The following ATF1 variants were observed in gnomAD, a reference collection of about 807,000 sequenced individuals.
ATF1 encodes cyclic AMP-dependent transcription factor ATF-1.
Under a neutral mutation model 34.7 loss-of-function variants are expected in ATF1, and 16 were observed. The ratio of observed to expected loss-of-function variants is 0.46; its 90% CI spans 0.31 to 0.70. The LOEUF is 0.70. Among genes scored for constraint, ATF1 ranks in the 30% least tolerant of loss-of-function variants. The pLI is 0.05. For missense variants in ATF1, 255 were observed against 321.6 expected, an observed-to-expected ratio of 0.79 and a Z score of 1.58; for synonymous variants, 105 against 113.1, an observed-to-expected ratio of 0.93 and a Z score of 0.46.
chr12:50,810,645 A>T (rs955789243), intron 4 of ATF1, among the ~76,000 whole-genome samples: 1 of 152,216 alleles, frequency 6.6e-6, no homozygotes. Flanking sequence ...ATCAAGATTG[A>T]GTTCTGTCAC....
intron 2 of ATF1, among the ~76,000 whole-genome samples, chr12:50,793,507 C>T (rs11169562): frequency 0.35 from 52,818 of 151,588 alleles, 9,442 homozygotes; most frequent in Non-Finnish European, 0.39. Flanking sequence ...TGCCTGTAAT[C>T]CCAGCTACCC....
At chr12:50,776,455 T>C (rs1215196089) in intron 1 of ATF1, among the ~76,000 whole-genome samples, 2 of 143,054 alleles carry the variant, frequency 1.4e-5, no homozygotes, top group African/African-American at 5.2e-5. Flanking sequence ...ATCACACCAC[T>C]GCACTCCAGC....
At position 50,820,050 on chromosome 12, in the gene ATF1, C is replaced by A; in HGVS notation, c.*271C>A. On this transcript the variant is annotated 3_prime_UTR_variant, in exon 7 of 7. Transcript: ENST00000262053. The stretch of plus-strand genomic sequence containing the variant: ...CAGCAGTCTAAATTTTCTAAATAAC[C>A]AATAGTTGCCAATCTAAAATGGCAG... 3.5e-6 allele frequency: 1 copy of A among 282,852 alleles called. No individual in the cohort carries two copies. The highest frequency in any genetic ancestry group is 6.6e-6 in the Non-Finnish European group (1 of 152,144). 17.5% of individuals were successfully genotyped at this position (282,852 alleles called of 1,614,324 possible). A position where few individuals can be genotyped will look rare whatever the true frequency, so the allele number is the denominator to read the frequency against.
At chr12:50,763,919 C>A (rs1194669450), upstream of ATF1, among the ~76,000 whole-genome samples, 1 of 152,206 alleles carries the variant, frequency 6.6e-6, no homozygotes, top group Non-Finnish European at 1.5e-5. Context: ...GAACCCCTAG[C>A]CACAAGTCAG....
In ATF1 at chr12:50,820,296, A is replaced by C. The variant is rs1292628095; in HGVS notation, c.*517A>C. The C allele has an allele frequency of 5.2e-6, 1 of 190,546 alleles. No individual in the cohort carries two copies. The highest frequency in any genetic ancestry group is 1.9e-4 in the South Asian group (1 of 5,158). The allele number at this position is 190,546 out of a possible 1,614,324, so 11.8% of individuals were successfully genotyped here. A position where few individuals can be genotyped will look rare whatever the true frequency, so the allele number is the denominator to read the frequency against. On this transcript the variant is annotated 3_prime_UTR_variant, in exon 7 of 7. Coordinates refer to ENST00000262053, the MANE Select transcript of ATF1 (RefSeq NM_005171.5). ...ATTATGTATACTTGTTCTAGTGTCAAGTCTTTTTAAGTGGGTTTTTAAAAG... is the reference window on the plus strand; with the variant it reads ...ATTATGTATACTTGTTCTAGTGTCACGTCTTTTTAAGTGGGTTTTTAAAAG...
At chr12:50,776,965 C>T (rs1940940869) in intron 1 of ATF1, among the ~76,000 whole-genome samples, 1 of 152,016 alleles carries the variant, frequency 6.6e-6, no homozygotes, top group Admixed American at 6.6e-5. Context: ...CGGGTTCAAG[C>T]GATTCTCCTG....
At chr12:50,815,510 C>G (rs1047277364) in intron 6 of ATF1, among the ~76,000 whole-genome samples, 4 of 151,898 alleles carry the variant, frequency 2.6e-5, no homozygotes, top group African/African-American at 7.3e-5. Context: ...CTCGGCCTCC[C>G]AAGTAGCTGA....
intron 6 of ATF1, among the ~76,000 whole-genome samples, chr12:50,817,566 A>G (rs1941869033): frequency 6.6e-6 from 1 of 152,180 alleles, no homozygotes; most frequent in African/African-American, 2.4e-5. Context: ...TTGGGCATAT[A>G]AGGAAAAGGG....
At chr12:50,781,280 T>C (rs1365408983) in intron 2 of ATF1, among the ~76,000 whole-genome samples, 1 of 152,172 alleles carries the variant, frequency 6.6e-6, no homozygotes, top group Non-Finnish European at 1.5e-5. Context: ...AAATGCTATG[T>C]GAATAGTTAT....
At chr12:50,802,871 C>CAAAAAA (rs71443203) in intron 3 of ATF1, among the ~76,000 whole-genome samples, 9 of 46,898 alleles carry the variant, frequency 1.9e-4, no homozygotes, top group African/African-American at 5.1e-4. Context: ...GACTCCATCT[C>CAAAAAA]AAAAAAAAAA....
Position 50,819,819 on chromosome 12 carries a change from ATTAAAT to A in ATF1, c.*41_*46del. ...AATATTTTTGTGGACATGCATAAAA[ATTAAAT>A]GGATTTCCTAGTGGAGTTTTATAAA... On this transcript the variant is annotated 3_prime_UTR_variant, in exon 7 of 7. Coordinates refer to ENST00000262053, the MANE Select transcript of ATF1 (RefSeq NM_005171.5). 7.0e-7 allele frequency: 1 copy of A among 1,437,408 alleles called. No individual in the cohort carries two copies. Among genetic ancestry groups the A allele is most frequent in the African/African-American group, 1.4e-5 (1 of 69,482 alleles). The allele number at this position is 1,437,408 out of a possible 1,614,324, so 89.0% of individuals were successfully genotyped here. A position where few individuals can be genotyped will look rare whatever the true frequency, so the allele number is the denominator to read the frequency against.
chr12:50,780,652 T>TAA (rs112410474), intron 2 of ATF1, among the ~76,000 whole-genome samples: 150 of 139,704 alleles, frequency 1.1e-3, no homozygotes, highest in Non-Finnish European at 1.7e-3. Flanking sequence ...GCATTAATGT[T>TAA]AAAAAAAAAA....
At chr12:50,808,638 C>G (rs1428460969) in intron 3 of ATF1, among the ~76,000 whole-genome samples, 1 of 151,848 alleles carries the variant, frequency 6.6e-6, no homozygotes, top group Non-Finnish European at 1.5e-5. Flanking sequence ...CCTCTTTACT[C>G]TTTAAACTAA....
At chr12:50,794,815 A>G (rs1048564631) in intron 2 of ATF1, among the ~76,000 whole-genome samples, 5 of 152,026 alleles carry the variant, frequency 3.3e-5, no homozygotes, top group African/African-American at 1.2e-4. Context: ...GCTACTCAGG[A>G]GGCTCAGGCT....
In ATF1 at chr12:50,791,552, C is replaced by CAA. The variant is rs59699950; in HGVS notation, c.94-4345_94-4344dup. 7.8e-3 allele frequency among the ~76,000 whole-genome samples: 943 copies of CAA among 121,326 alleles called. 10 individuals are homozygous for CAA. Among genetic ancestry groups the CAA allele is most frequent in the African/African-American group, 0.026 (862 of 33,038 alleles). 79.6% of individuals were successfully genotyped at this position (121,326 alleles called of 152,430 possible). A position where few individuals can be genotyped will look rare whatever the true frequency, so the allele number is the denominator to read the frequency against. ...CCTGGGAAGGAGTGAAACTCAGTCT[C>CAA]AAAAAAAAAAAAAGAAAAACAGGGA... On this transcript the variant is annotated intron_variant, in intron 2 of 6. Coordinates refer to ENST00000262053, the MANE Select transcript of ATF1 (RefSeq NM_005171.5).
intron 4 of ATF1, among the ~76,000 whole-genome samples, chr12:50,811,553 G>A (rs1941737466): frequency 6.6e-6 from 1 of 150,816 alleles, no homozygotes; most frequent in African/African-American, 2.4e-5. Flanking sequence ...AGAGGCTGAG[G>A]CTGGAGGATT....
chr12:50,808,179 G>T (rs759192590), intron 3 of ATF1, among the ~76,000 whole-genome samples: 3 of 152,102 alleles, frequency 2.0e-5, no homozygotes, highest in Non-Finnish European at 4.4e-5. Context: ...TGTCATTAGT[G>T]CCATTTCACC....
chr12:50,792,741 T>C (rs1489150356), intron 2 of ATF1, among the ~76,000 whole-genome samples: 2 of 152,142 alleles, frequency 1.3e-5, no homozygotes, highest in African/African-American at 2.4e-5. Context: ...GGGAAAGTTA[T>C]TGCTTATGAT....
At chr12:50,781,497 C>A (rs1242370701) in intron 2 of ATF1, among the ~76,000 whole-genome samples, 17 of 152,138 alleles carry the variant, frequency 1.1e-4, no homozygotes, top group Non-Finnish European at 7.3e-5. Flanking sequence ...GTCGCTCAGG[C>A]TGGAGTGCAG....
Sources: allele counts gnomAD v4.1 joint callset (sites outside exome capture counted in the v4.1 genomes callset), GRCh38; gene constraint gnomAD v4.1.1; transcripts MANE v1.5; gene names NCBI Gene and HGNC (gene_info 2026-07-23, HGNC 2026-07-21).